Variants in HCK observed in about 807,000 individuals in gnomAD.
HCK encodes the protein tyrosine-protein kinase HCK.
Under a neutral mutation model 70.4 loss-of-function variants are expected in HCK, and 40 were observed. That is an observed-to-expected ratio of 0.57 (90% CI 0.44 to 0.74). The LOEUF (loss-of-function observed/expected upper bound fraction) is 0.74, where lower values mean the gene tolerates loss of function less well. HCK is among the 30% of genes least tolerant of loss of function. The pLI is 0.00. For synonymous variants in HCK, 245 were observed against 263.2 expected (o/e 0.93, Z 0.67); for missense variants, 568 against 697.2 (o/e 0.81, Z 2.09).
intron 2 of HCK, 134 bp downstream of exon 2, chr20:32,071,916 G>T (rs2122526501): frequency 9.2e-7 from 1 of 1,083,916 alleles, no homozygotes; most frequent in Non-Finnish European, 1.3e-6. Context: ...CACCAACAGT[G>T]TCCTGACTCG....
At chr20:32,094,776 A>AGG (rs1243712787) in intron 11 of HCK, among the ~76,000 whole-genome samples, 30 of 114,684 alleles carry the variant, frequency 2.6e-4, no homozygotes, top group African/African-American at 7.8e-4. Flanking sequence ...AAAGAAAGAA[A>AGG]GAGAGAGAAA....
Position 32,071,851 on chromosome 20 carries a change from C to T in HCK, c.183+69C>T. 3.2e-6 allele frequency: 5 copies of T among 1,563,964 alleles called. No individual in the cohort carries two copies. The South Asian group carries it at 4.8e-5, about 15-fold the overall frequency. ...TGCCCCAACATTGCCCTAACAGCCT[C>T]CTGTCTTCCCAAGGTTGGGCAGGGT... On this transcript the variant is annotated intron_variant, in intron 2 of 12. Coordinates refer to ENST00000375852, the MANE Select transcript of HCK (RefSeq NM_002110.5).
chr20:32,097,245 A>T (rs1421276971), intron 11 of HCK, among the ~76,000 whole-genome samples: 1 of 151,744 alleles, frequency 6.6e-6, no homozygotes, highest in African/African-American at 2.4e-5. Flanking sequence ...ATGTCACTGC[A>T]CTCCAGCCTG....
At chr20:32,084,148 C>A in intron 7 of HCK, 105 bp downstream of exon 7, 1 of 1,267,134 alleles carries the variant, frequency 7.9e-7, no homozygotes, top group Non-Finnish European at 1.1e-6. Context: ...TCTTGGCCAT[C>A]CCCTAGACAG....
intron 1 of HCK, 63 bp from the exon 2 acceptor site, chr20:32,071,595 GCATC>G: frequency 6.3e-7 from 1 of 1,579,438 alleles, no homozygotes. Context: ...TGGAATGCCA[GCATC>G]AGAAGACTTC....
chr20:32,073,624 G>C, intron 3 of HCK, 92 bp from the exon 4 acceptor site: 1 of 808,838 alleles, frequency 1.2e-6, no homozygotes, highest in Non-Finnish European at 2.1e-6. Flanking sequence ...ATATCGATGG[G>C]TGCGGAGCTG....
At chr20:32,055,178 T>TTG (rs145351518) in intron 1 of HCK, among the ~76,000 whole-genome samples, 6,808 of 152,140 alleles carry the variant, frequency 0.045, 397 homozygotes, top group African/African-American at 0.14. Context: ...ACACTCCCCT[T>TTG]TGTGTGAGAG....
intron 10 of HCK, 72 bp downstream of exon 10, chr20:32,088,716 C>T (rs2045824429): frequency 8.4e-6 from 9 of 1,077,708 alleles, no homozygotes; most frequent in African/African-American, 1.5e-5. Flanking sequence ...TATTTACTGA[C>T]CACATACTAT....
intron 1 of HCK, among the ~76,000 whole-genome samples, chr20:32,066,212 G>T (rs2045454565): frequency 6.7e-6 from 1 of 149,808 alleles, no homozygotes; most frequent in South Asian, 2.2e-4. Flanking sequence ...AATAATATCA[G>T]CACCATCTGT....
At position 32,083,772 on chromosome 20, in the gene HCK, G is replaced by A. The variant is rs766155333; in HGVS notation, c.533-122G>A. ...GCTCCCACAGCCCACTCAGACCCTC[G>A]GGCACTTCTGCCCAGGTGTCAGGAC... On this transcript the variant is annotated intron_variant, in intron 6 of 12. Coordinates refer to ENST00000375852, the MANE Select transcript of HCK (RefSeq NM_002110.5). The A allele has an allele frequency of 6.3e-5, 73 of 1,158,062 alleles. No homozygotes were observed. In the South Asian group the frequency reaches 6.6e-4, roughly 10 times the overall value. The allele number at this position is 1,158,062 out of a possible 1,614,324, so 71.7% of individuals were successfully genotyped here. A position where few individuals can be genotyped will look rare whatever the true frequency, so the allele number is the denominator to read the frequency against.
chr20:32,101,201 C>T (rs779696834), intron 12 of HCK, 116 bp from the exon 13 acceptor site: 1 of 849,766 alleles, frequency 1.2e-6, no homozygotes, highest in Non-Finnish European at 1.9e-6. Context: ...GTGGAAGGGG[C>T]TCAGCTTGCA....
At chr20:32,081,613 C>G (rs1414549340) in intron 6 of HCK, among the ~76,000 whole-genome samples, 4 of 152,270 alleles carry the variant, frequency 2.6e-5, no homozygotes, top group Admixed American at 2.6e-4. Context: ...TCTGAATTGG[C>G]GAAGCTTTCA....
chr20:32,090,299 G>A (rs1231531272), intron 10 of HCK, among the ~76,000 whole-genome samples: 2 of 152,158 alleles, frequency 1.3e-5, no homozygotes, highest in African/African-American at 4.8e-5. Flanking sequence ...GCCTTCATCT[G>A]TCCAGAAGCA....
intron 6 of HCK, among the ~76,000 whole-genome samples, chr20:32,081,041 A>G (rs2122565396): frequency 6.6e-6 from 1 of 152,214 alleles, no homozygotes; most frequent in East Asian, 1.9e-4. Flanking sequence ...GCGAGCCATA[A>G]TGGAGCCACT....
rs1172642793 is a variant in HCK, at chr20:32,098,035, ATTT to A, written c.1247-967_1247-965del. Among the ~76,000 whole-genome samples, 3 of 49,952 alleles carry A rather than the reference ATTT, an allele frequency of 6.0e-5. No individual in the cohort carries two copies. In the African/African-American group the frequency reaches 1.2e-3, roughly 20 times the overall value. 32.8% of individuals were successfully genotyped at this position (49,952 alleles called of 152,430 possible). A position where few individuals can be genotyped will look rare whatever the true frequency, so the allele number is the denominator to read the frequency against. On this transcript the variant is annotated intron_variant, in intron 11 of 12. Transcript: ENST00000375852. ...TCTACAAATTTTTCTATTTTTTTAT[ATTT>A]TATTTTATTTTATTTTATTTTATTT...
chr20:32,074,224 G>A (rs901823138), intron 4 of HCK, among the ~76,000 whole-genome samples: 1 of 152,052 alleles, frequency 6.6e-6, no homozygotes, highest in African/African-American at 2.4e-5. Flanking sequence ...TGAAGCCCGA[G>A]AACGGGAGTG....
chr20:32,096,323 C>T (rs955729687), intron 11 of HCK, among the ~76,000 whole-genome samples: 9 of 151,556 alleles, frequency 5.9e-5, no homozygotes, highest in Non-Finnish European at 2.9e-5. Context: ...ATGGTGAAAC[C>T]CTGTCTCTAC....
At chr20:32,055,954 A>G (rs572067942) in intron 1 of HCK, among the ~76,000 whole-genome samples, 1 of 152,360 alleles carries the variant, frequency 6.6e-6, no homozygotes, top group South Asian at 2.1e-4. Flanking sequence ...TCTTCCACTT[A>G]ACATAATGTT....
chr20:32,054,748 G>T (rs1178326341), intron 1 of HCK, among the ~76,000 whole-genome samples: 1 of 152,208 alleles, frequency 6.6e-6, no homozygotes, highest in Admixed American at 6.5e-5. Flanking sequence ...GGAGCTTGCA[G>T]TGAGCCGAGA....
Sources: allele counts gnomAD v4.1 joint callset (sites outside exome capture counted in the v4.1 genomes callset), GRCh38; gene constraint gnomAD v4.1.1; transcripts MANE v1.5; gene names NCBI Gene and HGNC (gene_info 2026-07-23, HGNC 2026-07-21).